MAF: variants seen among roughly 807,000 people sequenced by gnomAD.
The protein encoded by MAF is MAF bZIP transcription factor, also known as transcription factor Maf.
A neutral mutation model predicts 22.0 loss-of-function variants in MAF; 10 were observed. The ratio of observed to expected loss-of-function variants is 0.45; its 90% CI spans 0.28 to 0.77. The LOEUF is 0.77. Ranked by LOEUF, MAF falls within the 30% of genes least tolerant of loss-of-function variation. The pLI is 0.12. For synonymous variants in MAF, 337 were observed against 255.8 expected (o/e 1.32, Z -3.03); for missense variants, 544 against 548.4 (o/e 0.99, Z 0.08).
the MAF span, among the ~76,000 whole-genome samples, chr16:79,371,099 T>C: frequency 6.6e-6 from 1 of 151,856 alleles, no homozygotes; most frequent in Non-Finnish European, 1.5e-5. Context: ...GGTGGATGAA[T>C]GGTTTGGAGG....
chr16:79,342,088 A>G, the MAF span, among the ~76,000 whole-genome samples: 2 of 152,228 alleles, frequency 1.3e-5, no homozygotes, highest in Non-Finnish European at 2.9e-5. Flanking sequence ...TGAGAAAACT[A>G]CAGTTAGAGT....
At chr16:79,571,530 AT>A in the MAF span, among the ~76,000 whole-genome samples, 1,334 of 103,850 alleles carry the variant, frequency 0.013, 30 homozygotes, top group African/African-American at 0.045. Flanking sequence ...TCTCAGCGGA[AT>A]TTTTTTTTTT....
chr16:79,320,805 C>G, the MAF span, among the ~76,000 whole-genome samples: 2 of 145,574 alleles, frequency 1.4e-5, no homozygotes, highest in African/African-American at 4.8e-5. Context: ...AGAGTATTTG[C>G]TATAGCCCTG....
At chr16:79,267,712 A>G in the MAF span, among the ~76,000 whole-genome samples, 1 of 152,188 alleles carries the variant, frequency 6.6e-6, no homozygotes, top group Non-Finnish European at 1.5e-5. Context: ...TGAGATTAAG[A>G]TGAACACCTG....
At chr16:79,306,007 T>A in the MAF span, among the ~76,000 whole-genome samples, 10 of 152,324 alleles carry the variant, frequency 6.6e-5, no homozygotes, top group African/African-American at 2.4e-4. Context: ...GCTTCACTGG[T>A]AACATTCAAA....
the MAF span, among the ~76,000 whole-genome samples, chr16:79,435,115 C>T: frequency 1.3e-5 from 2 of 152,162 alleles, no homozygotes; most frequent in Non-Finnish European, 2.9e-5. Flanking sequence ...TCTAAGAAGT[C>T]TGTCATGCAA....
the MAF span, among the ~76,000 whole-genome samples, chr16:79,318,563 C>G: frequency 4.6e-5 from 7 of 152,328 alleles, no homozygotes; most frequent in Admixed American, 3.3e-4. Context: ...TGGGTGTCAT[C>G]TAAGTCGGCA....
chr16:79,360,413 G>C, the MAF span, among the ~76,000 whole-genome samples: 1 of 152,274 alleles, frequency 6.6e-6, no homozygotes, highest in African/African-American at 2.4e-5. Flanking sequence ...ACAGACCTGA[G>C]ATTAAATCCC....
the MAF span, among the ~76,000 whole-genome samples, chr16:79,294,459 C>G: frequency 6.6e-6 from 1 of 152,146 alleles, no homozygotes; most frequent in Admixed American, 6.5e-5. Context: ...GTCACTGTCT[C>G]CAACTGACAA....
chr16:79,518,462 A>G, the MAF span, among the ~76,000 whole-genome samples: 1 of 152,322 alleles, frequency 6.6e-6, no homozygotes, highest in African/African-American at 2.4e-5. Flanking sequence ...CCACTGGTAG[A>G]TCTTCTCACT....
chr16:79,530,145 A>G, the MAF span, among the ~76,000 whole-genome samples: 1 of 152,086 alleles, frequency 6.6e-6, no homozygotes, highest in Admixed American at 6.5e-5. Context: ...GGAGTGTACA[A>G]CCTTGAAGAT....
chr16:79,217,986 TAAAAAAAAAAAAAAAAAAAAA>T, the MAF span, among the ~76,000 whole-genome samples: 22 of 52,124 alleles, frequency 4.2e-4, no homozygotes, highest in East Asian at 9.7e-4. Context: ...GAAGCTTATG[TAAAAAAAAAAAAAAAAAAAAA>T]AAAAAAAAAA....
chr16:79,404,992 C>T, the MAF span, among the ~76,000 whole-genome samples: 2 of 152,176 alleles, frequency 1.3e-5, no homozygotes, highest in African/African-American at 2.4e-5. Flanking sequence ...TACCGAACCA[C>T]ACAGGTGTCA....
the MAF span, among the ~76,000 whole-genome samples, chr16:79,472,779 T>C: frequency 2.0e-5 from 3 of 152,074 alleles, no homozygotes; most frequent in African/African-American, 7.2e-5. Flanking sequence ...GTAATGTATA[T>C]AAATTGTACG....
chr16:79,497,240 A>G, the MAF span, among the ~76,000 whole-genome samples: 1 of 152,202 alleles, frequency 6.6e-6, no homozygotes, highest in African/African-American at 2.4e-5. Context: ...AAAACAAGCA[A>G]TAATACAGAA....
At chr16:79,347,355 C>T in the MAF span, among the ~76,000 whole-genome samples, 1 of 152,212 alleles carries the variant, frequency 6.6e-6, no homozygotes, top group African/African-American at 2.4e-5. Context: ...GGGTCACAGA[C>T]AGCAGCATGC....
the MAF span, among the ~76,000 whole-genome samples, chr16:79,568,413 G>T: frequency 6.6e-6 from 1 of 152,184 alleles, no homozygotes; most frequent in African/African-American, 2.4e-5. Flanking sequence ...GGCCTGTAGG[G>T]AGCCTTCCTA....
the MAF span, among the ~76,000 whole-genome samples, chr16:79,435,758 G>C: frequency 1.3e-5 from 2 of 152,178 alleles, no homozygotes; most frequent in African/African-American, 2.4e-5. Flanking sequence ...ATGTGCATTT[G>C]TCTTGACCAT....
the MAF span, among the ~76,000 whole-genome samples, chr16:79,363,191 CAAGGGT>C: frequency 6.8e-6 from 1 of 146,374 alleles, no homozygotes; most frequent in Non-Finnish European, 1.5e-5. Flanking sequence ...CAAAGATGAA[CAAGGGT>C]AGGGGGGTGG....
Sources: gnomAD v4.1 joint callset for allele counts (sites outside exome capture counted in the v4.1 genomes callset) on GRCh38, gnomAD v4.1.1 for gene constraint, MANE v1.5 for transcripts, NCBI Gene and HGNC (gene_info 2026-07-23, HGNC 2026-07-21) for gene names.